TMEM145: variants seen among roughly 807,000 people sequenced by gnomAD.
TMEM145 encodes the protein transmembrane protein 145.
TMEM145 carries 46 observed loss-of-function variants against 68.5 expected under a neutral mutation model. The ratio of observed to expected loss-of-function variants is 0.67; its 90% confidence interval spans 0.53 to 0.86. The LOEUF (loss-of-function observed/expected upper bound fraction) is 0.86, where lower values mean the gene tolerates loss of function less well. TMEM145 is among the 40% of genes least tolerant of loss of function. The probability of loss-of-function intolerance (pLI) is 0.00; values close to 1 mark genes in which losing one functional copy is unlikely to be tolerated. For synonymous variants in TMEM145, 255 were observed against 280.2 expected (o/e 0.91, Z 0.90); for missense variants, 570 against 645.8 (o/e 0.88, Z 1.27).
At chr19:42,321,302 G>A (rs377379175) in intron 13 of TMEM145, 10 of 388,492 alleles carry the variant, frequency 2.6e-5, no homozygotes, top group African/African-American at 2.1e-4. Flanking sequence ...TTGGCTCACT[G>A]CAACCTCCAC....
chr19:42,315,053 C>T lies in TMEM145; in HGVS notation c.481C>T (p.Arg161Ter), dbSNP rs761836553. Residue 161 changes from arginine (R) to a stop codon, truncating the protein, a stop_gained, in exon 6 of 15, where the codon CGA (arginine) becomes TGA (stop). Transcript: ENST00000301204. LOFTEE classifies it high-confidence loss of function. ...CACCAATGGCAAGTCCTTCTGGACA[C>T]GACACTTCTCCGCTGATGAGTTTGG... ...VLTNGKSFWT[R>*]HFSADEFGIL... The T allele has an allele frequency of 9.9e-6, 16 of 1,614,012 alleles. No individual in the cohort carries two copies. The highest frequency in any genetic ancestry group is 3.3e-5 in the South Asian group (3 of 91,082).
chr19:42,316,167 G>A (rs1417398203), intron 8 of TMEM145, among the ~76,000 whole-genome samples: 1 of 151,240 alleles, frequency 6.6e-6, no homozygotes, highest in Non-Finnish European at 1.5e-5. Flanking sequence ...GGAGGAGGAG[G>A]GTCTGGGGGC....
intron 13 of TMEM145, 45 bp downstream of exon 13, chr19:42,320,482 CAGA>C: frequency 6.2e-7 from 1 of 1,611,468 alleles, no homozygotes; most frequent in Non-Finnish European, 8.5e-7. Context: ...GACCCGAGGG[CAGA>C]AGATGTGTGA....
chr19:42,323,634 A>G lies in TMEM145; in HGVS notation c.1246A>G (p.Thr416Ala). 1.9e-6 allele frequency: 3 copies of G among 1,614,158 alleles called. No individual in the cohort carries two copies. The highest frequency in any genetic ancestry group is 2.5e-6 in the Non-Finnish European group (3 of 1,180,012). The change falls in exon 14 of 15, where the codon ACG (threonine) becomes GCG (alanine). Residue 416 changes from threonine to alanine, a missense_variant. Thr to Ala is a moderately conservative substitution (Grantham distance 58). Transcript: ENST00000301204. ...CAAGAACTTCCCGTACCACGTGCGC[A>G]CGTCGCAGATCGCTTCAGCCGGAGT... The part of the protein sequence containing the change: ...ANKNFPYHVR[T>A]SQIASAGVPG...
Position 42,316,670 on chromosome 19 carries a change from C to T in TMEM145, c.736C>T (p.Leu246Phe). ...NESVKILAKL[L>F]FSSSFLIFLL... ...CTCCTCCCTTCTCCCAGCCAAGCTG[C>T]TCTTCTCCTCCAGCTTCCTCATCTT... Residue 246 changes from leucine to phenylalanine, a missense_variant, in exon 10 of 15, where the codon CTC (leucine) becomes TTC (phenylalanine). By Grantham distance (22) the Leu-to-Phe change is conservative. Coordinates refer to ENST00000301204, the MANE Select transcript of TMEM145 (RefSeq NM_173633.3). 1 of 1,613,942 alleles carries T rather than the reference C, an allele frequency of 6.2e-7. No individual in the cohort carries two copies. The highest frequency in any genetic ancestry group is 8.5e-7 in the Non-Finnish European group (1 of 1,180,014).
chr19:42,323,808 G>A lies in TMEM145; in HGVS notation c.1401+19G>A, dbSNP rs765232089. ...CACCTCCGTAAGCCCCGCGGCCCCA[G>A]CGCCCGAGGAGCTGCTGGCGCCGCC... On this transcript the variant is annotated intron_variant, in intron 14 of 14. Coordinates refer to ENST00000301204, the MANE Select transcript of TMEM145 (RefSeq NM_173633.3). The A allele has an allele frequency of 8.7e-6, 14 of 1,610,346 alleles. 1 individual carries two copies. In the Admixed American group the frequency reaches 2.3e-4, roughly 27 times the overall value.
In TMEM145 at chr19:42,314,812, C is replaced by T; in HGVS notation, c.381C>T (p.Thr127=). The T allele has an allele frequency of 6.2e-6, 10 of 1,614,210 alleles. No individual in the cohort carries two copies. Among genetic ancestry groups the T allele is most frequent in the Non-Finnish European group, 8.5e-6 (10 of 1,180,034 alleles). The part of the protein sequence containing the change: ...SGCQVVSEEG[T]RYLSCSSGRS... ...CCCAGGTGGTATCAGAGGAGGGAAC[C>T]CGCTACCTGAGCTGCTCCAGTGGCC... Residue 127 remains threonine, a synonymous_variant, in exon 5 of 15, where the codon ACC becomes ACT. Coordinates refer to ENST00000301204, the MANE Select transcript of TMEM145 (RefSeq NM_173633.3).
intron 12 of TMEM145, among the ~76,000 whole-genome samples, chr19:42,319,447 T>G (rs2147419845): frequency 6.6e-6 from 1 of 152,336 alleles, no homozygotes; most frequent in Admixed American, 6.5e-5. Flanking sequence ...TTTTTTTGTT[T>G]GTTTGTTTTT....
At position 42,313,452 on chromosome 19, in the gene TMEM145, C is replaced by A. The variant is rs1051257856; in HGVS notation, c.76C>A (p.Arg26Ser). ...GCTCCTGCTGCTGTCACTGCCCCCC[C>A]GCGCCCGGGCCAAGTACGTGCGGGG... ...LLLLLLSLPPRARAKYVRGNL... is the reference protein window; with the variant it reads ...LLLLLLSLPPSARAKYVRGNL... Residue 26 changes from arginine to serine, a missense_variant, in exon 1 of 15, where the codon CGC becomes AGC. By Grantham distance (110) the Arg-to-Ser change is moderately radical. Transcript: ENST00000301204. This position sits in a 1 kb window ranked among gnomAD's most constrained non-coding sequence, Gnocchi z 5.1. 5 of 1,371,476 alleles carry A rather than the reference C, an allele frequency of 3.6e-6. No homozygotes were observed. The highest frequency in any genetic ancestry group is 3.5e-5 in the South Asian group (2 of 56,606). 85.0% of individuals were successfully genotyped at this position (1,371,476 alleles called of 1,614,324 possible). A position where few individuals can be genotyped will look rare whatever the true frequency, so the allele number is the denominator to read the frequency against.
intron 10 of TMEM145, 25 bp downstream of exon 10, chr19:42,316,765 G>C: frequency 6.2e-7 from 1 of 1,612,978 alleles, no homozygotes; most frequent in Non-Finnish European, 8.5e-7. Flanking sequence ...CGTGCTCGTG[G>C]GGCGGCTGGT....
intron 14 of TMEM145, 157 bp from the exon 15 acceptor site, chr19:42,324,580 C>A: frequency 1.0e-6 from 1 of 985,252 alleles, no homozygotes; most frequent in Non-Finnish European, 1.2e-6. Context: ...GGCCGGGCTC[C>A]GGACCCCTGC....
At chr19:42,315,308 T>C (rs376800694) in intron 7 of TMEM145, 49 bp downstream of exon 7, 95 of 1,613,724 alleles carry the variant, frequency 5.9e-5, no homozygotes, top group Non-Finnish European at 7.2e-5. Flanking sequence ...GGGAGCAGGG[T>C]TGGGGGAGGT....
At position 42,313,468 on chromosome 19, in the gene TMEM145, A is replaced by G. The variant is rs1219247181; in HGVS notation, c.92A>G (p.Tyr31Cys). The G allele has an allele frequency of 1.5e-5, 20 of 1,353,002 alleles. No homozygotes were observed. The highest frequency in any genetic ancestry group is 5.4e-4 in the Middle Eastern group (2 of 3,686). 83.8% of individuals were successfully genotyped at this position (1,353,002 alleles called of 1,614,324 possible). The change falls in exon 1 of 15, where the codon TAC becomes TGC. Residue 31 changes from tyrosine to cysteine, a missense_variant. Coordinates refer to ENST00000301204, the MANE Select transcript of TMEM145 (RefSeq NM_173633.3). The surrounding 1 kb of genome is among the most constrained non-coding windows in gnomAD (Gnocchi z 5.1). Reference sequence around the variant, plus strand: ...CTGCCCCCCCGCGCCCGGGCCAAGTACGTGCGGGGCAACCTCAGTTCCAAG... The same window carrying G: ...CTGCCCCCCCGCGCCCGGGCCAAGTGCGTGCGGGGCAACCTCAGTTCCAAG... ...LSLPPRARAK[Y>C]VRGNLSSKED...
intron 8 of TMEM145, 103 bp downstream of exon 8, chr19:42,315,543 TG>T: frequency 9.5e-7 from 1 of 1,053,602 alleles, no homozygotes; most frequent in Non-Finnish European, 1.3e-6. Context: ...TCCTGGGTCC[TG>T]GGGGAGGAGG....
rs1459169561 is a variant in TMEM145 at position 42,313,526 on chromosome 19, C to T, written c.120+30C>T. On this transcript the variant is annotated intron_variant, in intron 1 of 14. Coordinates refer to ENST00000301204, the MANE Select transcript of TMEM145 (RefSeq NM_173633.3). This position sits in a 1 kb window ranked among gnomAD's most constrained non-coding sequence, Gnocchi z 5.1. ...GCATGCCGAGCCCTCCTCTGCGGCC[C>T]GCCGGCCCCCGGGGGACGCAAGGGA... 15 of 1,257,050 alleles carry T rather than the reference C, an allele frequency of 1.2e-5. No homozygotes were observed. Among genetic ancestry groups the T allele is most frequent in the Non-Finnish European group, 1.5e-5 (15 of 994,554 alleles). 77.9% of individuals were successfully genotyped at this position (1,257,050 alleles called of 1,614,324 possible).
At chr19:42,324,438 C>T (rs1417287487) in intron 14 of TMEM145, 46 of 985,312 alleles carry the variant, frequency 4.7e-5, no homozygotes, top group Non-Finnish European at 5.5e-5. Flanking sequence ...CCCTACCAGC[C>T]GCTCGTGCCC....
At position 42,313,649 on chromosome 19, in the gene TMEM145, C is replaced by T. The variant is rs1277131393; in HGVS notation, c.120+153C>T. Among the ~76,000 whole-genome samples, 2 of 152,044 alleles carry T rather than the reference C, an allele frequency of 1.3e-5. No homozygotes were observed. Among genetic ancestry groups the T allele is most frequent in the African/African-American group, 2.4e-5 (1 of 41,442 alleles). On this transcript the variant is annotated intron_variant, in intron 1 of 14. Transcript: ENST00000301204. This position sits in a 1 kb window ranked among gnomAD's most constrained non-coding sequence, Gnocchi z 5.1. ...GGCCGAGGGCGATGGGGGACTGGGC[C>T]AGAGTCGAGGCTAAGGGGAGCCGTA...
chr19:42,317,479 A>C, intron 11 of TMEM145, among the ~76,000 whole-genome samples: 1 of 152,220 alleles, frequency 6.6e-6, no homozygotes, highest in East Asian at 1.9e-4. Flanking sequence ...AAAAACTCAC[A>C]CATGAGAGGG....
intron 9 of TMEM145, 29 bp downstream of exon 9, chr19:42,316,590 T>C: frequency 6.2e-7 from 1 of 1,613,682 alleles, no homozygotes. Context: ...GGGGAGAGGG[T>C]GGAGCCCAGG....
Sources: gnomAD v4.1 joint callset for allele counts (sites outside exome capture counted in the v4.1 genomes callset) on GRCh38, gnomAD v4.1.1 for gene constraint, Gnocchi (gnomAD v3.1) non-coding constraint, MANE v1.5 for transcripts, NCBI Gene and HGNC (gene_info 2026-07-23, HGNC 2026-07-21) for gene names.